SNX25: variants seen among roughly 807,000 people sequenced by gnomAD.
The protein encoded by SNX25 is sorting nexin-25.
A neutral mutation model predicts 113.7 loss-of-function variants in SNX25; 62 were observed. That is an observed-to-expected ratio of 0.55 (90% CI 0.44 to 0.67). The LOEUF (loss-of-function observed/expected upper bound fraction) is 0.67, where lower values mean the gene tolerates loss of function less well. SNX25 is among the 30% of genes least tolerant of loss of function. The pLI is 0.00. For synonymous variants in SNX25, 421 were observed against 436.2 expected (o/e 0.97, Z 0.43); for missense variants, 1,014 against 1,161.0 (o/e 0.87, Z 1.84).
intron 2 of SNX25, among the ~76,000 whole-genome samples, chr4:185,255,420 C>G (rs956626204): frequency 2.0e-5 from 3 of 152,116 alleles, no homozygotes; most frequent in Non-Finnish European, 4.4e-5. Context: ...AGATGTAAGC[C>G]ACCACACCCA....
At chr4:185,311,728 T>C (rs1222145220) in intron 7 of SNX25, among the ~76,000 whole-genome samples, 1 of 152,202 alleles carries the variant, frequency 6.6e-6, no homozygotes, top group East Asian at 1.9e-4. Flanking sequence ...CGGTTCTACT[T>C]CAGCTACTCA....
At chr4:185,287,785 T>C (rs1442672388) in intron 5 of SNX25, among the ~76,000 whole-genome samples, 1 of 150,520 alleles carries the variant, frequency 6.6e-6, no homozygotes, top group Non-Finnish European at 1.5e-5. Flanking sequence ...AGAGTGGAAG[T>C]GAGGAGGCTC....
At chr4:185,374,845 C>T (rs1433907010), downstream of SNX25, among the ~76,000 whole-genome samples, 1 of 152,138 alleles carries the variant, frequency 6.6e-6, no homozygotes, top group Non-Finnish European at 1.5e-5. Context: ...GAACAGCTTT[C>T]ACATTTATAA....
At chr4:185,244,559 A>G (rs1471940103) in intron 1 of SNX25, among the ~76,000 whole-genome samples, 1 of 152,244 alleles carries the variant, frequency 6.6e-6, no homozygotes, top group Non-Finnish European at 1.5e-5. Context: ...GTTAAATTTC[A>G]ATAAAATCTA....
At chr4:185,265,241 ATG>A (rs992131091) in intron 4 of SNX25, among the ~76,000 whole-genome samples, 3 of 152,200 alleles carry the variant, frequency 2.0e-5, no homozygotes, top group African/African-American at 7.2e-5. Context: ...GTCCGAAGAA[ATG>A]TGTCATTAGA....
upstream of SNX25, among the ~76,000 whole-genome samples, chr4:185,207,250 G>A (rs1405739961): frequency 2.6e-5 from 3 of 116,194 alleles, no homozygotes; most frequent in African/African-American, 6.8e-5. Context: ...ACGGAGTCTC[G>A]CTGTCGCCCA....
At chr4:185,225,258 A>G (rs1740809258) in intron 1 of SNX25, among the ~76,000 whole-genome samples, 1 of 151,830 alleles carries the variant, frequency 6.6e-6, no homozygotes, top group African/African-American at 2.4e-5. Flanking sequence ...AGCTGGAACT[A>G]TAGGCGCCCA....
chr4:185,319,929 C>T (rs1375438355), intron 7 of SNX25, among the ~76,000 whole-genome samples: 1 of 152,252 alleles, frequency 6.6e-6, no homozygotes, highest in Admixed American at 6.5e-5. Flanking sequence ...CGATGAGATA[C>T]CATCTCATGC....
chr4:185,333,922 C>G (rs951477866), intron 10 of SNX25, among the ~76,000 whole-genome samples: 1 of 150,720 alleles, frequency 6.6e-6, no homozygotes, highest in African/African-American at 2.4e-5. Flanking sequence ...GTAGTGGATG[C>G]TGGTAGTCCC....
At chr4:185,331,641 C>T (rs192303678) in intron 9 of SNX25, among the ~76,000 whole-genome samples, 12 of 152,016 alleles carry the variant, frequency 7.9e-5, no homozygotes, top group Non-Finnish European at 1.3e-4. Flanking sequence ...ATTAGCTGGA[C>T]GTAGTGGTGG....
At chr4:185,272,051 A>G (rs1023116251) in intron 5 of SNX25, among the ~76,000 whole-genome samples, 21 of 152,094 alleles carry the variant, frequency 1.4e-4, no homozygotes, top group Non-Finnish European at 2.5e-4. Context: ...TCTTTTCTGG[A>G]TGCAGGATGT....
chr4:185,325,915 A>AT (rs1479798101), intron 9 of SNX25, among the ~76,000 whole-genome samples: 1 of 152,236 alleles, frequency 6.6e-6, no homozygotes, highest in Non-Finnish European at 1.5e-5. Context: ...GTCAAGTTTG[A>AT]TTCCTTAAAG....
intron 6 of SNX25, among the ~76,000 whole-genome samples, chr4:185,293,779 T>C (rs1752492718): frequency 6.6e-6 from 1 of 152,196 alleles, no homozygotes; most frequent in African/African-American, 2.4e-5. Flanking sequence ...CATATTCATA[T>C]TCATAATTTT....
At chr4:185,229,827 A>C (rs898435944) in intron 1 of SNX25, among the ~76,000 whole-genome samples, 1 of 151,974 alleles carries the variant, frequency 6.6e-6, no homozygotes, top group East Asian at 1.9e-4. Context: ...TTCAAGTACT[A>C]TATTTATTTA....
chr4:185,376,833 C>T, the SNX25 span: 2 of 994,648 alleles, frequency 2.0e-6, no homozygotes, highest in African/African-American at 1.6e-5. Context: ...CAGTAAGAAA[C>T]TCTACATGAA....
At chr4:185,253,641 G>A (rs1175823254) in intron 2 of SNX25, among the ~76,000 whole-genome samples, 2 of 151,938 alleles carry the variant, frequency 1.3e-5, no homozygotes, top group African/African-American at 4.8e-5. Context: ...GCTAATTTTT[G>A]TATTTTTAGT....
chr4:185,270,657 C>T (rs1748793155), intron 5 of SNX25, among the ~76,000 whole-genome samples: 1 of 152,220 alleles, frequency 6.6e-6, no homozygotes, highest in Non-Finnish European at 1.5e-5. Context: ...AAAAGAAACC[C>T]TGTGCCCACT....
chr4:185,291,849 C>T (rs1008423377), intron 6 of SNX25, among the ~76,000 whole-genome samples: 3 of 152,116 alleles, frequency 2.0e-5, no homozygotes, highest in Non-Finnish European at 2.9e-5. Context: ...ACCCCATTTC[C>T]GAATAAGATC....
chr4:185,267,849 A>G (rs927022483), intron 5 of SNX25, among the ~76,000 whole-genome samples: 1 of 152,238 alleles, frequency 6.6e-6, no homozygotes, highest in Admixed American at 6.5e-5. Flanking sequence ...TATATGTGTT[A>G]TATACTGTAT....
Sources: allele counts gnomAD v4.1 joint callset (sites outside exome capture counted in the v4.1 genomes callset), GRCh38; gene constraint gnomAD v4.1.1; transcripts MANE v1.5; gene names NCBI Gene and HGNC (gene_info 2026-07-23, HGNC 2026-07-21).